Variants in LMNTD1 observed in about 807,000 individuals in gnomAD.
LMNTD1 encodes lamin tail domain-containing protein 1.
A neutral mutation model predicts 50.9 loss-of-function variants in LMNTD1; 35 were observed. That is an observed-to-expected ratio of 0.69 (90% CI 0.53 to 0.91). The LOEUF (loss-of-function observed/expected upper bound fraction) is 0.91. Ranked by LOEUF, LMNTD1 falls within the 40% of genes least tolerant of loss-of-function variation. The pLI, the probability that LMNTD1 is intolerant of heterozygous loss-of-function variation, is 0.00. For missense variants in LMNTD1, 470 were observed against 475.5 expected, an observed-to-expected ratio of 0.99 and a Z score of 0.11; for synonymous variants, 153 against 161.9, an observed-to-expected ratio of 0.94 and a Z score of 0.42.
At chr12:25,613,301 G>A (rs1469124016) in intron 1 of LMNTD1, among the ~76,000 whole-genome samples, 1 of 152,178 alleles carries the variant, frequency 6.6e-6, no homozygotes, top group Non-Finnish European at 1.5e-5. Flanking sequence ...GTTCTGACAT[G>A]ACGGGTAGAA....
intron 9 of LMNTD1, among the ~76,000 whole-genome samples, chr12:25,489,316 G>A (rs1043123122): frequency 6.6e-6 from 1 of 150,660 alleles, no homozygotes; most frequent in Non-Finnish European, 1.5e-5. Context: ...CCAGGTGTGG[G>A]ATATAGTCTG....
chr12:25,589,790 G>A (rs1945641661), intron 1 of LMNTD1, among the ~76,000 whole-genome samples: 1 of 152,160 alleles, frequency 6.6e-6, no homozygotes. Flanking sequence ...AGGCTGAAGA[G>A]AGTGTAGATG....
rs1359558546 is a variant in LMNTD1, at chr12:25,485,281, T to C, written c.*23-8821A>G. 7.5e-5 allele frequency among the ~76,000 whole-genome samples: 11 copies of C among 147,154 alleles called. No homozygotes were observed. The East Asian group carries it at 1.4e-3, about 19-fold the overall frequency. On this transcript the variant is annotated intron_variant, in intron 9 of 9. Transcript: ENST00000458174. ...TGATGGTGAGCATTTTTTCATGTGT[T>C]TTTTGGCTGCATAAATGTCTTCTTT...
At chr12:25,622,463 G>GGC (rs1946491734) in intron 1 of LMNTD1, among the ~76,000 whole-genome samples, 4 of 111,140 alleles carry the variant, frequency 3.6e-5, no homozygotes, top group Admixed American at 9.9e-5. Flanking sequence ...GAGTTTGTGA[G>GGC]CCCGCCCCCC....
At chr12:25,496,032 GAT>G (rs1491307311) in intron 9 of LMNTD1, among the ~76,000 whole-genome samples, 1 of 152,140 alleles carries the variant, frequency 6.6e-6, no homozygotes. Context: ...ATTTTCCTGA[GAT>G]AACACCATCT....
At chr12:25,620,756 G>A (rs555246794) in intron 1 of LMNTD1, among the ~76,000 whole-genome samples, 2 of 152,274 alleles carry the variant, frequency 1.3e-5, no homozygotes, top group South Asian at 4.1e-4. Context: ...CCTGTGGATT[G>A]TACTCCACTC....
chr12:25,525,821 A>C (rs1941667117), intron 6 of LMNTD1, among the ~76,000 whole-genome samples: 1 of 152,132 alleles, frequency 6.6e-6, no homozygotes, highest in African/African-American at 2.4e-5. Context: ...GTACCATGGA[A>C]TACCACCACT....
intron 4 of LMNTD1, among the ~76,000 whole-genome samples, chr12:25,537,778 C>A (rs1942717536): frequency 6.6e-6 from 1 of 152,074 alleles, no homozygotes; most frequent in Non-Finnish European, 1.5e-5. Flanking sequence ...TTACTCTGAG[C>A]TATGGGAGGA....
intron 1 of LMNTD1, among the ~76,000 whole-genome samples, chr12:25,597,257 AAC>A (rs1945862780): frequency 6.6e-6 from 1 of 152,068 alleles, no homozygotes; most frequent in Non-Finnish European, 1.5e-5. Flanking sequence ...GAGTGGCTGA[AAC>A]ACACTTCATG....
At chr12:25,606,660 C>G (rs955535415) in intron 1 of LMNTD1, among the ~76,000 whole-genome samples, 2 of 152,146 alleles carry the variant, frequency 1.3e-5, no homozygotes, top group African/African-American at 2.4e-5. Context: ...GTTGAACCAG[C>G]CTTGCATCCC....
In LMNTD1 at chr12:25,517,767, A is replaced by AAAAAAAAG. The variant is rs71065949; in HGVS notation, c.1189+1027_1189+1028insCTTTTTTT. On this transcript the variant is annotated intron_variant, in intron 8 of 9. Coordinates refer to ENST00000458174, the MANE Select transcript of LMNTD1 (RefSeq NM_001145728.2). ...ATAATAAAAGAATTCTAAGCAGGAAAAAAGAAAAAGAAATATATTCAGTGA... is the reference window on the plus strand; with the variant it reads ...ATAATAAAAGAATTCTAAGCAGGAAAAAAAAAAGAAAGAAAAAGAAATATATTCAGTGA... Among the ~76,000 whole-genome samples, 87 of 147,070 alleles carry AAAAAAAAG rather than the reference A, an allele frequency of 5.9e-4. 2 individuals carry two copies. Among genetic ancestry groups the AAAAAAAAG allele is most frequent in the Non-Finnish European group, 2.4e-4 (16 of 67,000 alleles).
rs538528630 is a variant in LMNTD1, at chr12:25,558,412, A to G, written c.59-11858T>C. Among the ~76,000 whole-genome samples the G allele has an allele frequency of 2.6e-5, 4 of 152,322 alleles. No homozygotes were observed. In the East Asian group the frequency reaches 7.7e-4, roughly 29 times the overall value. ...TTTTTTGACGTAGGCACTTACAGCT[A>G]TAAAATTCCCTCTTAGTACTGCTTT... is the stretch of plus-strand genomic sequence containing the variant. On this transcript the variant is annotated intron_variant, in intron 1 of 7. Coordinates refer to the LMNTD1 transcript ENST00000445693.
chr12:25,478,871 G>T (rs973414803), intron 9 of LMNTD1, among the ~76,000 whole-genome samples: 2 of 146,590 alleles, frequency 1.4e-5, no homozygotes, highest in African/African-American at 4.9e-5. Context: ...ATCTCAGCAG[G>T]TCATGATTTT....
At chr12:25,546,997 T>G (rs940905911) in intron 3 of LMNTD1, among the ~76,000 whole-genome samples, 1 of 151,824 alleles carries the variant, frequency 6.6e-6, no homozygotes, top group Admixed American at 6.6e-5. Context: ...AATCCTTTCC[T>G]GCAATGGTTA....
At chr12:25,493,782 C>T (rs1938969386) in intron 9 of LMNTD1, among the ~76,000 whole-genome samples, 1 of 152,150 alleles carries the variant, frequency 6.6e-6, no homozygotes, top group Admixed American at 6.5e-5. Context: ...GTTCTATATT[C>T]CCTCCCTTTG....
chr12:25,607,487 C>T (rs1467112344), intron 1 of LMNTD1, among the ~76,000 whole-genome samples: 19 of 152,266 alleles, frequency 1.2e-4, no homozygotes. Flanking sequence ...ATAAATTTCC[C>T]TCTACACACT....
intron 1 of LMNTD1, among the ~76,000 whole-genome samples, chr12:25,641,126 T>A (rs1373052785): frequency 6.6e-6 from 1 of 152,220 alleles, no homozygotes; most frequent in Non-Finnish European, 1.5e-5. Context: ...TAGTATGTAC[T>A]CAACCAGTAT....
chr12:25,583,306 C>T (rs1945385206), intron 1 of LMNTD1, among the ~76,000 whole-genome samples: 2 of 148,640 alleles, frequency 1.3e-5, no homozygotes, highest in South Asian at 2.2e-4. Flanking sequence ...GGATTACAGG[C>T]GTGAGCCACC....
At chr12:25,580,575 A>ATAT (rs1355854326) in intron 1 of LMNTD1, among the ~76,000 whole-genome samples, 1 of 152,200 alleles carries the variant, frequency 6.6e-6, no homozygotes, top group East Asian at 1.9e-4. Flanking sequence ...TAAAATGAAC[A>ATAT]AAATATAGAC....
Sources: gnomAD v4.1 joint callset for allele counts (sites outside exome capture counted in the v4.1 genomes callset) on GRCh38, gnomAD v4.1.1 for gene constraint, MANE v1.5 for transcripts, NCBI Gene and HGNC (gene_info 2026-07-23, HGNC 2026-07-21) for gene names.